ACOX3: variants seen among roughly 807,000 people sequenced by gnomAD.
ACOX3 encodes the protein acyl-CoA oxidase 3, pristanoyl, also known as peroxisomal acyl-coenzyme A oxidase 3.
In ACOX3, 73 loss-of-function variants were observed where a neutral mutation model predicts 81.5. That is an observed-to-expected ratio of 0.90 (90% CI 0.74 to 1.09). ACOX3 has a LOEUF of 1.09. ACOX3 is among the 50% of genes least tolerant of loss of function. The pLI is 0.00. For synonymous variants in ACOX3, 387 were observed against 375.1 expected, an observed-to-expected ratio of 1.03 and a Z score of -0.37; for missense variants, 947 against 928.0, an observed-to-expected ratio of 1.02 and a Z score of -0.27.
Position 8,414,907 on chromosome 4 carries a change from T to C in ACOX3, c.400A>G (p.Ser134Gly), listed in dbSNP as rs1284445605. The change falls in exon 4 of 18, where the codon AGT (serine) becomes GGT (glycine). Residue 134 changes from serine (S) to glycine (G), a missense_variant. Physicochemically the swap from Ser to Gly is moderately conservative, Grantham distance 56. Coordinates refer to ENST00000356406, the MANE Select transcript of ACOX3 (RefSeq NM_003501.3). This position sits in a 1 kb window ranked among gnomAD's most constrained non-coding sequence, Gnocchi z 6.1. ...GTGAGATGTCTTTCAGAACCAGAAC[T>C]GTAAACTGCTGATCCAAAAACCTGA... The part of the protein sequence containing the change: ...HSLVFGSAVY[S>G]SGSERHLTYI... 6.2e-7 allele frequency: 1 copy of C among 1,614,240 alleles called. No homozygotes were observed.
At chr4:8,365,542 T>A (rs1236629945), downstream of ACOX3, among the ~76,000 whole-genome samples, 14 of 152,234 alleles carry the variant, frequency 9.2e-5, no homozygotes, top group African/African-American at 3.4e-4. Context: ...TCCTGCTGTC[T>A]GCCTGCGGCA....
Position 8,431,777 on chromosome 4 carries a change from T to TTTA in ACOX3, c.-15+8870_-15+8871insTAA, listed in dbSNP as rs1723968456. 6.6e-6 allele frequency among the ~76,000 whole-genome samples: 1 copy of TTTA among 152,224 alleles called. No homozygotes were observed. The highest frequency in any genetic ancestry group is 1.9e-4 in the East Asian group (1 of 5,198). On this transcript the variant is annotated intron_variant, in intron 1 of 17. Transcript: ENST00000356406. This position sits in a 1 kb window ranked among gnomAD's most constrained non-coding sequence, Gnocchi z 5.3. ...CACCCCCTCTCTTGTTTATCTTGAC[T>TTTA]TCTGTCCCACTTCTGCTCCCTTCGG...
intron 1 of ACOX3, among the ~76,000 whole-genome samples, chr4:8,434,324 CCT>C (rs1377026653): frequency 1.3e-5 from 2 of 152,230 alleles, no homozygotes; most frequent in Non-Finnish European, 2.9e-5. Context: ...GCCGAATAAA[CCT>C]CTTTCTTCTT....
intron 16 of ACOX3, 52 bp from the exon 17 acceptor site, chr4:8,371,046 T>G (rs1243142448): frequency 6.4e-7 from 1 of 1,566,326 alleles, no homozygotes. Context: ...ATTTCCATGG[T>G]GACCAAAGCA....
intron 5 of ACOX3, among the ~76,000 whole-genome samples, chr4:8,411,110 C>T (rs1352514809): frequency 6.6e-6 from 1 of 152,182 alleles, no homozygotes; most frequent in Non-Finnish European, 1.5e-5. Flanking sequence ...AGGGAGGATG[C>T]GGACCAGCAG....
chr4:8,361,968 A>G (rs1186387907), downstream of ACOX3, among the ~76,000 whole-genome samples: 6 of 152,212 alleles, frequency 3.9e-5, no homozygotes, highest in African/African-American at 1.4e-4. Flanking sequence ...TATGTTATTA[A>G]TAATTATAAT....
chr4:8,435,792 A>C (rs59454431), intron 1 of ACOX3, among the ~76,000 whole-genome samples: 1,572 of 152,278 alleles, frequency 0.01, 31 homozygotes, highest in African/African-American at 0.036. Context: ...AGAGCAAGAG[A>C]AGCCAGTTTT....
Position 8,408,435 on chromosome 4 carries a change from T to C in ACOX3, c.687+1777A>G, listed in dbSNP as rs148993454. Among the ~76,000 whole-genome samples the C allele has an allele frequency of 1.2e-3, 176 of 152,262 alleles. 2 individuals are homozygous for C. The highest frequency in any genetic ancestry group is 4.0e-3 in the African/African-American group (168 of 41,552). On this transcript the variant is annotated intron_variant, in intron 6 of 17. Coordinates refer to ENST00000356406, the MANE Select transcript of ACOX3 (RefSeq NM_003501.3). The stretch of plus-strand genomic sequence containing the variant: ...CTCTGGGAGGTGGACTCAGGTGCCC[T>C]GAGCACTTGGTGCAGTGGCGAGAGG...
chr4:8,425,726 A>T (rs1490697137), intron 1 of ACOX3, among the ~76,000 whole-genome samples: 1 of 151,298 alleles, frequency 6.6e-6, no homozygotes, highest in East Asian at 1.9e-4. Flanking sequence ...ACTGGTTGGG[A>T]GGAGGCCTTT....
the ACOX3 span, chr4:8,357,745 G>A: frequency 9.5e-6 from 2 of 210,086 alleles, no homozygotes; most frequent in Non-Finnish European, 1.9e-5. Context: ...TGTGGGGGCT[G>A]CACCCTTGCA....
downstream of ACOX3, among the ~76,000 whole-genome samples, chr4:8,364,367 C>G (rs1339445922): frequency 6.6e-6 from 1 of 152,248 alleles, no homozygotes; most frequent in Non-Finnish European, 1.5e-5. This position sits in a 1 kb window ranked among gnomAD's most constrained non-coding sequence, Gnocchi z 5.0. Flanking sequence ...TTTTTGTCAA[C>G]ACTGCCAGTA....
rs1579006421 is a variant in ACOX3, at chr4:8,431,405, T to C, written c.-15+9243A>G. On this transcript the variant is annotated intron_variant, in intron 1 of 17. Transcript: ENST00000356406. This position sits in a 1 kb window ranked among gnomAD's most constrained non-coding sequence, Gnocchi z 5.3. The stretch of plus-strand genomic sequence containing the variant: ...ACGCTGTAGCACTCTCCATCCACCG[T>C]GCTCCCCTCCTGGGCCTGAGGACAC... Among the ~76,000 whole-genome samples, 2 of 152,234 alleles carry C rather than the reference T, an allele frequency of 1.3e-5. No homozygotes were observed. Among genetic ancestry groups the C allele is most frequent in the East Asian group, 3.9e-4 (2 of 5,178 alleles).
At position 8,368,336 on chromosome 4, in the gene ACOX3, A is replaced by G. The variant is rs890263768; in HGVS notation, c.1984-1256T>C. Among the ~76,000 whole-genome samples the G allele has an allele frequency of 6.6e-6, 1 of 152,256 alleles. No individual in the cohort carries two copies. Among genetic ancestry groups the G allele is most frequent in the Admixed American group, 6.5e-5 (1 of 15,292 alleles). On this transcript the variant is annotated intron_variant, in intron 17 of 17. Transcript: ENST00000356406. This position sits in a 1 kb window ranked among gnomAD's most constrained non-coding sequence, Gnocchi z 5.9. ...CGCTCCTGTCTTGGAGGAAGGTTGT[A>G]CAAATGAAGGGCGAAGGGCAGCTGA...
chr4:8,439,265 A>G (rs1724445219), intron 1 of ACOX3: 1 of 152,146 alleles, frequency 6.6e-6, no homozygotes, highest in Non-Finnish European at 1.5e-5. Flanking sequence ...TAGTCAGGAA[A>G]CCCAGACCCG....
At chr4:8,374,389 T>A (rs995410617) in intron 15 of ACOX3, 2 of 152,484 alleles carry the variant, frequency 1.3e-5, no homozygotes, top group African/African-American at 4.8e-5. Context: ...CGCTGGCTCT[T>A]GGGGTGGGGA....
rs578236273 is a variant in ACOX3, at chr4:8,407,720, A to G, written c.688-1677T>C. ...AATAGGTGTAGTGGGAGAAACGGCT[A>G]TGAATATTCTGGTCAATCACCGCTC... On this transcript the variant is annotated intron_variant, in intron 6 of 17. Coordinates refer to ENST00000356406, the MANE Select transcript of ACOX3 (RefSeq NM_003501.3). The surrounding 1 kb of genome is among the most constrained non-coding windows in gnomAD (Gnocchi z 4.6). Among the ~76,000 whole-genome samples, 1 of 152,348 alleles carries G rather than the reference A, an allele frequency of 6.6e-6. No individual in the cohort carries two copies. The highest frequency in any genetic ancestry group is 2.1e-4 in the South Asian group (1 of 4,830).
At position 8,426,201 on chromosome 4, in the gene ACOX3, G is replaced by C. The variant is rs138812330; in HGVS notation, c.-14-9666C>G. Among the ~76,000 whole-genome samples, 9 of 152,142 alleles carry C rather than the reference G, an allele frequency of 5.9e-5. No homozygotes were observed. In the East Asian group the frequency reaches 1.7e-3, roughly 29 times the overall value. ...GTTCTTAAAACATTACAGGGAACCT[G>C]TACCCGAGAGGAGGGAAAGGAATTC... On this transcript the variant is annotated intron_variant, in intron 1 of 17. Coordinates refer to ENST00000356406, the MANE Select transcript of ACOX3 (RefSeq NM_003501.3).
intron 1 of ACOX3, among the ~76,000 whole-genome samples, chr4:8,424,279 A>T (rs1382138455): frequency 6.6e-6 from 1 of 152,390 alleles, no homozygotes; most frequent in African/African-American, 2.4e-5. Flanking sequence ...TTTAGTAAGA[A>T]GGACACCTGA....
chr4:8,409,938 G>A (rs1292663402), intron 6 of ACOX3, among the ~76,000 whole-genome samples: 3 of 150,046 alleles, frequency 2.0e-5, no homozygotes, highest in Non-Finnish European at 4.4e-5. Flanking sequence ...CACTGTGGGC[G>A]CGGCTGTCTG....
Sources: gnomAD v4.1 joint callset for allele counts (sites outside exome capture counted in the v4.1 genomes callset) on GRCh38, gnomAD v4.1.1 for gene constraint, Gnocchi (gnomAD v3.1) non-coding constraint, MANE v1.5 for transcripts, NCBI Gene and HGNC (gene_info 2026-07-23, HGNC 2026-07-21) for gene names.